STXBP5L: variants seen among roughly 807,000 people sequenced by gnomAD.
STXBP5L encodes syntaxin binding protein 5L.
STXBP5L carries 65 observed loss-of-function variants against 144.5 expected under a neutral mutation model. The ratio of observed to expected loss-of-function variants is 0.45; its 90% confidence interval spans 0.37 to 0.55. STXBP5L has a LOEUF of 0.55. STXBP5L is among the 20% of genes least tolerant of loss of function. The probability of loss-of-function intolerance (pLI) is 0.00; values close to 1 mark genes in which losing one functional copy is unlikely to be tolerated. For missense variants in STXBP5L, 1,298 were observed against 1,405.5 expected (o/e 0.92, Z 1.22); for synonymous variants, 505 against 469.6 (o/e 1.08, Z -0.97).
intron 5 of STXBP5L, among the ~76,000 whole-genome samples, chr3:121,113,872 C>T (rs1218007631): frequency 6.6e-6 from 1 of 151,850 alleles, no homozygotes; most frequent in Admixed American, 6.6e-5. Flanking sequence ...CGGGGTTTCA[C>T]CATGTTGGCC....
At chr3:121,114,539 G>T (rs535727365) in intron 5 of STXBP5L, among the ~76,000 whole-genome samples, 1 of 152,120 alleles carries the variant, frequency 6.6e-6, no homozygotes, top group Non-Finnish European at 1.5e-5. Flanking sequence ...CTTAGTGAAA[G>T]ATGTTAATTT....
chr3:121,233,744 G>A, intron 12 of STXBP5L, 56 bp downstream of exon 12: 1 of 1,296,688 alleles, frequency 7.7e-7, no homozygotes, highest in Non-Finnish European at 1.1e-6. Flanking sequence ...TTAGATTATT[G>A]GCATTTGTAT....
At chr3:121,348,576 C>T (rs2045113947) in intron 20 of STXBP5L, among the ~76,000 whole-genome samples, 1 of 152,180 alleles carries the variant, frequency 6.6e-6, no homozygotes, top group African/African-American at 2.4e-5. Flanking sequence ...AGCTGTGAAT[C>T]CATCTGGTCC....
intron 9 of STXBP5L, among the ~76,000 whole-genome samples, chr3:121,186,332 T>C (rs1216958114): frequency 6.6e-6 from 1 of 152,168 alleles, no homozygotes; most frequent in African/African-American, 2.4e-5. Flanking sequence ...TCCAACACTA[T>C]GTTGAATAGG....
chr3:121,083,165 C>T (rs1168139885), intron 5 of STXBP5L, among the ~76,000 whole-genome samples: 6 of 151,540 alleles, frequency 4.0e-5, no homozygotes, highest in African/African-American at 1.5e-4. Flanking sequence ...CGCCACTGCA[C>T]TCCAGCCTGG....
chr3:120,981,083 G>A (rs1400669282), intron 3 of STXBP5L, among the ~76,000 whole-genome samples: 2 of 152,044 alleles, frequency 1.3e-5, no homozygotes, highest in Non-Finnish European at 2.9e-5. Context: ...CTGTCAGTCT[G>A]ATGGTATTTC....
intron 9 of STXBP5L, among the ~76,000 whole-genome samples, chr3:121,201,068 A>G (rs1488619366): frequency 3.9e-5 from 6 of 152,214 alleles, no homozygotes; most frequent in African/African-American, 1.4e-4. Flanking sequence ...GATCTGTCTA[A>G]TATTGATAGT....
intron 5 of STXBP5L, among the ~76,000 whole-genome samples, chr3:121,071,454 C>T (rs2041808677): frequency 6.6e-6 from 1 of 152,166 alleles, no homozygotes; most frequent in Non-Finnish European, 1.5e-5. Context: ...TTGTCCGTGT[C>T]AGCAGTGACT....
intron 11 of STXBP5L, among the ~76,000 whole-genome samples, chr3:121,233,143 A>G (rs919080661): frequency 1.3e-5 from 2 of 152,200 alleles, no homozygotes; most frequent in Non-Finnish European, 2.9e-5. Context: ...ATTTCAAATT[A>G]CATTGAATTG....
chr3:121,247,469 C>A (rs1444423658), intron 14 of STXBP5L, among the ~76,000 whole-genome samples: 1 of 152,168 alleles, frequency 6.6e-6, no homozygotes, highest in Non-Finnish European at 1.5e-5. Flanking sequence ...AAATCCCTCG[C>A]CTTCTCTCCC....
At chr3:121,044,066 A>G (rs1232307581) in intron 4 of STXBP5L, among the ~76,000 whole-genome samples, 1 of 152,188 alleles carries the variant, frequency 6.6e-6, no homozygotes, top group African/African-American at 2.4e-5. Context: ...AACAAACACA[A>G]AAATTATCAA....
At chr3:120,980,633 G>T (rs1380217033) in intron 3 of STXBP5L, among the ~76,000 whole-genome samples, 4 of 151,820 alleles carry the variant, frequency 2.6e-5, no homozygotes, top group African/African-American at 9.7e-5. Flanking sequence ...AGCTATCATT[G>T]GATCTTCTTT....
At chr3:121,408,527 C>T (rs944607712) in intron 23 of STXBP5L, among the ~76,000 whole-genome samples, 2 of 151,802 alleles carry the variant, frequency 1.3e-5, no homozygotes, top group Non-Finnish European at 2.9e-5. Context: ...ATTTTCTAGC[C>T]ACAAACTAAG....
chr3:120,977,582 T>C (rs1049834709), intron 3 of STXBP5L, among the ~76,000 whole-genome samples: 1 of 152,208 alleles, frequency 6.6e-6, no homozygotes, highest in African/African-American at 2.4e-5. Context: ...TTTGATCCTG[T>C]CATTATGATG....
intron 3 of STXBP5L, among the ~76,000 whole-genome samples, chr3:120,968,322 TTATTG>T (rs1939838897): frequency 6.6e-6 from 1 of 152,192 alleles, no homozygotes; most frequent in African/African-American, 2.4e-5. Flanking sequence ...TAATATCCTG[TTATTG>T]TATTGACCCC....
intron 20 of STXBP5L, among the ~76,000 whole-genome samples, chr3:121,345,904 C>T (rs1397662904): frequency 2.6e-5 from 4 of 152,006 alleles, no homozygotes; most frequent in African/African-American, 7.2e-5. Context: ...TTCAGTACCA[C>T]TGTTAATGAT....
intron 5 of STXBP5L, among the ~76,000 whole-genome samples, chr3:121,092,778 A>G (rs924320089): frequency 5.3e-5 from 8 of 152,098 alleles, no homozygotes; most frequent in Non-Finnish European, 7.4e-5. Context: ...TCTCCTGTCT[A>G]ATTGCCCTGG....
At chr3:121,232,030 C>T (rs1406649496) in intron 11 of STXBP5L, among the ~76,000 whole-genome samples, 1 of 152,124 alleles carries the variant, frequency 6.6e-6, no homozygotes, top group African/African-American at 2.4e-5. Flanking sequence ...AGCCAATAAT[C>T]AAGCAAATAA....
chr3:120,968,200 C>G (rs1939820704), intron 3 of STXBP5L, among the ~76,000 whole-genome samples: 1 of 152,112 alleles, frequency 6.6e-6, no homozygotes, highest in African/African-American at 2.4e-5. Flanking sequence ...ACATGGAGTG[C>G]TGTGGTTTTC....
Sources: allele counts gnomAD v4.1 joint callset (sites outside exome capture counted in the v4.1 genomes callset), GRCh38; gene constraint gnomAD v4.1.1; transcripts MANE v1.5; gene names NCBI Gene and HGNC (gene_info 2026-07-23, HGNC 2026-07-21).